ROR2: variants seen among roughly 807,000 people sequenced by gnomAD.
ROR2 encodes ROR family WNT receptor 2.
A neutral mutation model predicts 74.9 loss-of-function variants in ROR2; 33 were observed. The ratio of observed to expected loss-of-function variants is 0.44; its 90% CI spans 0.33 to 0.59. The LOEUF (loss-of-function observed/expected upper bound fraction) is 0.59. ROR2 is among the 20% of genes least tolerant of loss of function. The pLI, the probability that ROR2 is intolerant of heterozygous loss-of-function variation, is 0.02. For synonymous variants in ROR2, 586 were observed against 558.7 expected (o/e 1.05, Z -0.69); for missense variants, 1,216 against 1,313.8 (o/e 0.93, Z 1.15).
intron 8 of ROR2, among the ~76,000 whole-genome samples, chr9:91,725,505 A>G (rs1463836393): frequency 2.6e-5 from 4 of 151,820 alleles, no homozygotes; most frequent in Non-Finnish European, 4.4e-5. Context: ...TCCAACCCCC[A>G]TGTGTGCCGA....
Position 91,724,955 on chromosome 9 carries a change from C to A in ROR2, c.1539G>T (p.Ala513=). 1 of 1,613,446 alleles carries A rather than the reference C, an allele frequency of 6.2e-7. No homozygotes were observed. Among genetic ancestry groups the A allele is most frequent in the South Asian group, 1.1e-5 (1 of 91,078 alleles). ...GGAACTCCTCCCGCAGGGGCCCCTC[C>A]GCTTTGTCCTTCAGCGTTTTGATGG... ...AVAIKTLKDK[A]EGPLREEFRH... Residue 513 remains alanine, a synonymous_variant, in exon 9 of 9, where the codon GCG becomes GCT. Coordinates refer to ENST00000375708, the MANE Select transcript of ROR2 (RefSeq NM_004560.4).
intron 1 of ROR2, among the ~76,000 whole-genome samples, chr9:91,947,875 T>A (rs944334399): frequency 6.6e-6 from 1 of 152,186 alleles, no homozygotes; most frequent in African/African-American, 2.4e-5. Context: ...TCTCCTGTAA[T>A]CATATAATTT....
intron 2 of ROR2, among the ~76,000 whole-genome samples, chr9:91,766,037 A>G (rs1262123625): frequency 1.3e-5 from 2 of 152,170 alleles, no homozygotes; most frequent in African/African-American, 4.8e-5. Context: ...GGATTTCCCT[A>G]TCCCTGCATA....
intron 1 of ROR2, among the ~76,000 whole-genome samples, chr9:91,871,749 CTT>C (rs1829804724): frequency 2.0e-5 from 3 of 152,320 alleles, no homozygotes; most frequent in African/African-American, 7.2e-5. Context: ...CACACTCCCT[CTT>C]GAGAGAGTCC....
chr9:91,760,325 G>A (rs894719838), intron 2 of ROR2, among the ~76,000 whole-genome samples: 4 of 152,178 alleles, frequency 2.6e-5, no homozygotes, highest in East Asian at 1.9e-4. Context: ...ACTGAAGTAC[G>A]TTTGGACATT....
At chr9:91,934,827 G>T (rs76400462) in intron 1 of ROR2, among the ~76,000 whole-genome samples, 1,960 of 152,200 alleles carry the variant, frequency 0.013, 39 homozygotes, top group African/African-American at 0.044. Context: ...CTAATTAGAC[G>T]TAATTGTGTC....
At chr9:91,800,786 C>T (rs1475130705) in intron 1 of ROR2, among the ~76,000 whole-genome samples, 3 of 152,234 alleles carry the variant, frequency 2.0e-5, no homozygotes, top group Admixed American at 2.0e-4. Flanking sequence ...TTCACAGCCA[C>T]GCTTCCAAAG....
intron 1 of ROR2, 91 bp from the exon 2 acceptor site, chr9:91,775,909 C>A: frequency 1.0e-6 from 1 of 988,302 alleles, no homozygotes. Flanking sequence ...AGCATTCTAG[C>A]AAAACTACCC....
intron 2 of ROR2, among the ~76,000 whole-genome samples, chr9:91,767,136 G>T (rs963043858): frequency 6.6e-6 from 1 of 151,766 alleles, no homozygotes; most frequent in Non-Finnish European, 1.5e-5. Context: ...GTGCAGTGGC[G>T]TGATCTCGGC....
At chr9:91,792,303 C>CTTT (rs1358505448) in intron 1 of ROR2, among the ~76,000 whole-genome samples, 3 of 142,320 alleles carry the variant, frequency 2.1e-5, no homozygotes, top group Non-Finnish European at 1.5e-5. Context: ...AAAGTTGGTT[C>CTTT]TATTTTTTTT....
chr9:91,754,301 T>C (rs1365259586), intron 4 of ROR2, among the ~76,000 whole-genome samples: 2 of 150,720 alleles, frequency 1.3e-5, no homozygotes, highest in East Asian at 1.9e-4. Flanking sequence ...ATATATTATA[T>C]AGTTACATAA....
chr9:91,801,536 T>C (rs1462747203), intron 1 of ROR2, among the ~76,000 whole-genome samples: 2 of 152,186 alleles, frequency 1.3e-5, no homozygotes, highest in Non-Finnish European at 2.9e-5. Flanking sequence ...TTTCGCCATG[T>C]TGGCCACGAT....
intron 1 of ROR2, among the ~76,000 whole-genome samples, chr9:91,892,088 C>G (rs1227790829): frequency 6.7e-6 from 1 of 149,072 alleles, no homozygotes; most frequent in African/African-American, 2.5e-5. Flanking sequence ...ACAGGCACAT[C>G]AAATCCTTCT....
At chr9:91,739,433 G>A (rs1412341458) in intron 4 of ROR2, among the ~76,000 whole-genome samples, 1 of 151,492 alleles carries the variant, frequency 6.6e-6, no homozygotes, top group African/African-American at 2.4e-5. Context: ...CTTGAACTGG[G>A]AGACAGAGGC....
chr9:91,947,394 T>A (rs1404669732), intron 1 of ROR2, among the ~76,000 whole-genome samples: 3 of 152,200 alleles, frequency 2.0e-5, no homozygotes, highest in Non-Finnish European at 2.9e-5. Context: ...ACTGAAAAAT[T>A]TCAAATGTGT....
At chr9:91,762,047 G>A (rs554530602) in intron 2 of ROR2, among the ~76,000 whole-genome samples, 30 of 152,250 alleles carry the variant, frequency 2.0e-4, no homozygotes, top group East Asian at 7.7e-4. Flanking sequence ...TTGGCTTTCC[G>A]TGTGGTGAGC....
chr9:91,861,467 C>T (rs1454842692), intron 1 of ROR2, among the ~76,000 whole-genome samples: 1 of 152,156 alleles, frequency 6.6e-6, no homozygotes, highest in Non-Finnish European at 1.5e-5. Context: ...CATTTATGGC[C>T]AGCTGATTTT....
At chr9:91,740,800 G>C (rs1040900969) in intron 4 of ROR2, among the ~76,000 whole-genome samples, 1 of 152,004 alleles carries the variant, frequency 6.6e-6, no homozygotes, top group Non-Finnish European at 1.5e-5. Context: ...GGACTGAAAC[G>C]GAATTTGGCA....
chr9:91,757,229 C>T, intron 3 of ROR2, 43 bp downstream of exon 3: 1 of 1,612,584 alleles, frequency 6.2e-7, no homozygotes, highest in African/African-American at 1.3e-5. Context: ...TGGCTGGGAA[C>T]CTTCATATCT....
Sources: allele counts gnomAD v4.1 joint callset (sites outside exome capture counted in the v4.1 genomes callset), GRCh38; gene constraint gnomAD v4.1.1; transcripts MANE v1.5; gene names NCBI Gene and HGNC (gene_info 2026-07-23, HGNC 2026-07-21).